The following CNTN5 variants were observed in gnomAD, a reference collection of about 807,000 sequenced individuals.
CNTN5 encodes contactin-5.
In CNTN5, 77 loss-of-function variants were observed where a neutral mutation model predicts 129.1. The ratio of observed to expected loss-of-function variants is 0.60; its 90% CI spans 0.50 to 0.72. The LOEUF is 0.72. CNTN5 is among the 30% of genes least tolerant of loss of function. CNTN5 has a pLI of 0.00. For synonymous variants in CNTN5, 509 were observed against 465.6 expected, an observed-to-expected ratio of 1.09 and a Z score of -1.20; for missense variants, 1,478 against 1,328.8, an observed-to-expected ratio of 1.11 and a Z score of -1.75.
At chr11:100,108,364 G>C (rs1221132400) in intron 13 of CNTN5, among the ~76,000 whole-genome samples, 2 of 152,158 alleles carry the variant, frequency 1.3e-5, no homozygotes, top group East Asian at 3.9e-4. Context: ...ATTGAGGTAG[G>C]AAGCAGATGC....
At chr11:99,376,076 A>T (rs1329807065) in intron 2 of CNTN5, among the ~76,000 whole-genome samples, 1 of 152,194 alleles carries the variant, frequency 6.6e-6, no homozygotes, top group Non-Finnish European at 1.5e-5. Context: ...GCAAGGAAAA[A>T]GAGATAGTTT....
At chr11:100,238,155 T>G (rs1284565523) in intron 16 of CNTN5, among the ~76,000 whole-genome samples, 2 of 151,934 alleles carry the variant, frequency 1.3e-5, no homozygotes, top group Non-Finnish European at 2.9e-5. Flanking sequence ...AGAATCAAGG[T>G]CTTTGGATTA....
rs149520483 is a variant in CNTN5, at chr11:99,975,557, C to T, written c.877+18548C>T. On this transcript the variant is annotated intron_variant, in intron 8 of 24. Coordinates refer to ENST00000524871, the MANE Select transcript of CNTN5 (RefSeq NM_014361.4). Reference sequence around the variant, plus strand: ...GAGGTTTAATTGACTCACAGATCCACGTGGCTGGGGATGCCTCAAAAAACT... The same window carrying T: ...GAGGTTTAATTGACTCACAGATCCATGTGGCTGGGGATGCCTCAAAAAACT... Among the ~76,000 whole-genome samples the T allele has an allele frequency of 3.0e-4, 46 of 152,248 alleles. No individual in the cohort carries two copies. The East Asian group carries it at 8.1e-3, about 27-fold the overall frequency.
At position 99,348,231 on chromosome 11, in the gene CNTN5, T is replaced by C. The variant is rs549456427; in HGVS notation, c.-71+22747T>C. On this transcript the variant is annotated intron_variant, in intron 2 of 24. Coordinates refer to ENST00000524871, the MANE Select transcript of CNTN5 (RefSeq NM_014361.4). The stretch of plus-strand genomic sequence containing the variant: ...GCAGGCGCCTGTAGTTCCAGCTACT[T>C]GGGAGGCTGAGGCAGGAGAATGGCG... Among the ~76,000 whole-genome samples the C allele has an allele frequency of 6.3e-4, 96 of 152,108 alleles. No individual in the cohort carries two copies. In the East Asian group the frequency reaches 0.013, roughly 20 times the overall value.
intron 3 of CNTN5, among the ~76,000 whole-genome samples, chr11:99,709,326 A>C (rs35876600): frequency 0.1 from 15,711 of 151,876 alleles, 905 homozygotes; most frequent in East Asian, 0.26. Context: ...AGTTAAAAGA[A>C]TTGAACAATA....
chr11:99,885,694 A>G (rs896708361), intron 6 of CNTN5, among the ~76,000 whole-genome samples: 1 of 152,202 alleles, frequency 6.6e-6, no homozygotes, highest in Non-Finnish European at 1.5e-5. Flanking sequence ...ACATTTTTGT[A>G]GTTAATAACG....
chr11:99,197,861 A>G (rs1277394577), intron 1 of CNTN5, among the ~76,000 whole-genome samples: 4 of 152,112 alleles, frequency 2.6e-5, no homozygotes. Context: ...TTCTAACAGT[A>G]GAGATAATTA....
chr11:99,506,021 C>T (rs1021577923), intron 2 of CNTN5, among the ~76,000 whole-genome samples: 1 of 152,226 alleles, frequency 6.6e-6, no homozygotes, highest in South Asian at 2.1e-4. Context: ...CACATTTGAG[C>T]TGCCTGAATA....
chr11:99,766,815 G>A (rs1311911825), intron 3 of CNTN5, among the ~76,000 whole-genome samples: 1 of 151,832 alleles, frequency 6.6e-6, no homozygotes, highest in African/African-American at 2.4e-5. Flanking sequence ...AAATATAAAT[G>A]ACATAGTCAA....
intron 15 of CNTN5, among the ~76,000 whole-genome samples, chr11:100,210,101 C>T (rs543961692): frequency 1.7e-4 from 26 of 149,592 alleles, no homozygotes; most frequent in East Asian, 5.9e-4. Context: ...TTTCAGAGGC[C>T]GGGGCCAGTG....
chr11:100,310,891 G>A (rs1016648819), intron 21 of CNTN5, among the ~76,000 whole-genome samples: 2 of 151,892 alleles, frequency 1.3e-5, no homozygotes, highest in African/African-American at 4.8e-5. Flanking sequence ...GGGAGCACAG[G>A]GAGAGTGGGA....
chr11:99,705,213 A>G (rs532905326), intron 3 of CNTN5, among the ~76,000 whole-genome samples: 30 of 151,380 alleles, frequency 2.0e-4, no homozygotes, highest in Non-Finnish European at 7.4e-5. Flanking sequence ...TATTATTTAT[A>G]TAAAACAGTA....
chr11:99,637,062 G>C (rs116890462), intron 3 of CNTN5, among the ~76,000 whole-genome samples: 40 of 126,816 alleles, frequency 3.2e-4, no homozygotes, highest in Admixed American at 4.7e-4. Context: ...CTGTATTGCA[G>C]AATAGGCACT....
chr11:99,847,603 C>G (rs1947741320), intron 6 of CNTN5, among the ~76,000 whole-genome samples: 1 of 152,094 alleles, frequency 6.6e-6, no homozygotes, highest in African/African-American at 2.4e-5. Context: ...AATTCTGCCT[C>G]AAAATTGTTT....
intron 4 of CNTN5, among the ~76,000 whole-genome samples, chr11:99,826,529 A>C (rs1329283813): frequency 6.6e-6 from 1 of 152,210 alleles, no homozygotes; most frequent in Non-Finnish European, 1.5e-5. Context: ...AGAGGCATCA[A>C]ATTTAACCTG....
intron 8 of CNTN5, among the ~76,000 whole-genome samples, chr11:99,987,929 T>C (rs1455034494): frequency 6.6e-6 from 1 of 152,240 alleles, no homozygotes; most frequent in Non-Finnish European, 1.5e-5. Context: ...AGTTTACTTA[T>C]ATACATTTCA....
rs139683950 is a variant in CNTN5, at chr11:99,133,828, C to T, written c.-210+112558C>T. Reference sequence around the variant, plus strand: ...CTGGTGGCAATGTAAAATAGTTCGACCATTGTGGAAGACAATGTGGTGATT... The same window carrying T: ...CTGGTGGCAATGTAAAATAGTTCGATCATTGTGGAAGACAATGTGGTGATT... On this transcript the variant is annotated intron_variant, in intron 1 of 24. Coordinates refer to ENST00000524871, the MANE Select transcript of CNTN5 (RefSeq NM_014361.4). Among the ~76,000 whole-genome samples, 1,292 of 152,166 alleles carry T rather than the reference C, an allele frequency of 8.5e-3. 21 individuals carry two copies. Among genetic ancestry groups the T allele is most frequent in the African/African-American group, 0.029 (1,195 of 41,500 alleles).
At position 99,338,026 on chromosome 11, in the gene CNTN5, T is replaced by A. The variant is rs573773254; in HGVS notation, c.-71+12542T>A. Among the ~76,000 whole-genome samples, 579 of 152,316 alleles carry A rather than the reference T, an allele frequency of 3.8e-3. 3 individuals are homozygous for A. The highest frequency in any genetic ancestry group is 7.5e-3 in the Non-Finnish European group (508 of 68,030). Reference sequence around the variant, plus strand: ...GCTTTAGTTTAAATTCATAAACTTATTTGTAAAAATTAAATTGCTGTAAAA... The same window carrying A: ...GCTTTAGTTTAAATTCATAAACTTAATTGTAAAAATTAAATTGCTGTAAAA... On this transcript the variant is annotated intron_variant, in intron 2 of 24. Transcript: ENST00000524871.
intron 21 of CNTN5, among the ~76,000 whole-genome samples, chr11:100,316,378 T>G (rs1951572655): frequency 6.6e-6 from 1 of 152,116 alleles, no homozygotes; most frequent in African/African-American, 2.4e-5. Flanking sequence ...CTCAAAAAGC[T>G]CACAGTCTAA....
Sources: allele counts gnomAD v4.1 joint callset (sites outside exome capture counted in the v4.1 genomes callset), GRCh38; gene constraint gnomAD v4.1.1; transcripts MANE v1.5; gene names NCBI Gene and HGNC (gene_info 2026-07-23, HGNC 2026-07-21).